Variants in TMEM135 observed in about 807,000 individuals in gnomAD.
TMEM135 encodes transmembrane protein 135.
A neutral mutation model predicts 60.3 loss-of-function variants in TMEM135; 30 were observed. That is an observed-to-expected ratio of 0.50 (90% CI 0.37 to 0.68). TMEM135 has a LOEUF of 0.68. Ranked by LOEUF, TMEM135 falls within the 30% of genes least tolerant of loss-of-function variation. The pLI, the probability that TMEM135 is intolerant of heterozygous loss-of-function variation, is 0.00. For synonymous variants in TMEM135, 190 were observed against 186.7 expected (o/e 1.02, Z -0.14); for missense variants, 468 against 548.8 (o/e 0.85, Z 1.47).
intron 5 of TMEM135, among the ~76,000 whole-genome samples, chr11:87,219,363 G>T (rs1405729473): frequency 6.6e-6 from 1 of 152,118 alleles, no homozygotes; most frequent in Non-Finnish European, 1.5e-5. Flanking sequence ...GTGCTGTCAG[G>T]GTTGGTTTCT....
At chr11:87,167,607 C>T (rs577529912) in intron 5 of TMEM135, among the ~76,000 whole-genome samples, 4 of 152,108 alleles carry the variant, frequency 2.6e-5, no homozygotes, top group South Asian at 2.1e-4. Context: ...TGATGGAGTA[C>T]GTTTATTGAT....
intron 5 of TMEM135, among the ~76,000 whole-genome samples, chr11:87,217,746 T>C (rs1940533523): frequency 6.6e-6 from 1 of 151,704 alleles, no homozygotes; most frequent in Admixed American, 6.6e-5. Flanking sequence ...ATCGTGCCAT[T>C]GCACTCCAGC....
intron 3 of TMEM135, among the ~76,000 whole-genome samples, chr11:87,089,256 G>T (rs890944836): frequency 2.0e-5 from 3 of 152,164 alleles, no homozygotes; most frequent in Non-Finnish European, 4.4e-5. Flanking sequence ...ATTTGTCAGC[G>T]GGGTACGGTA....
chr11:87,149,032 TTGTGTGTGTGTGTGTG>T (rs553840798), intron 4 of TMEM135, among the ~76,000 whole-genome samples: 1 of 143,598 alleles, frequency 7.0e-6, no homozygotes, highest in Non-Finnish European at 1.5e-5. Context: ...CCCCATACCT[TTGTGTGTGTGTGTGTG>T]TGTGTGTGTG....
intron 6 of TMEM135, among the ~76,000 whole-genome samples, chr11:87,239,407 T>C (rs1018964826): frequency 1.3e-5 from 2 of 152,082 alleles, no homozygotes; most frequent in African/African-American, 4.8e-5. Flanking sequence ...TTTGTCTGTA[T>C]GCTAGCTTGT....
chr11:87,249,283 G>T (rs1053638454), intron 6 of TMEM135, among the ~76,000 whole-genome samples: 4 of 152,068 alleles, frequency 2.6e-5, no homozygotes, highest in Admixed American at 1.3e-4. Flanking sequence ...CCAGGTTTTT[G>T]AGGGTTTTTA....
chr11:87,287,623 G>T (rs1193405476), intron 6 of TMEM135, among the ~76,000 whole-genome samples: 1 of 152,196 alleles, frequency 6.6e-6, no homozygotes, highest in East Asian at 1.9e-4. Context: ...ATTGCAGTGA[G>T]CTGAGATCAC....
chr11:87,103,351 A>G (rs1857506974), intron 4 of TMEM135, among the ~76,000 whole-genome samples: 1 of 152,050 alleles, frequency 6.6e-6, no homozygotes, highest in Non-Finnish European at 1.5e-5. Flanking sequence ...ACACTTTGTT[A>G]TCTTTTGACT....
intron 5 of TMEM135, among the ~76,000 whole-genome samples, chr11:87,181,199 A>AGAT (rs1335185558): frequency 2.6e-5 from 4 of 152,206 alleles, no homozygotes; most frequent in Non-Finnish European, 5.9e-5. Context: ...AAAATGTTCT[A>AGAT]GATGAGTTCA....
At chr11:87,230,752 C>G (rs1940872794) in intron 5 of TMEM135, among the ~76,000 whole-genome samples, 1 of 152,042 alleles carries the variant, frequency 6.6e-6, no homozygotes, top group African/African-American at 2.4e-5. Context: ...TGAGAATGAT[C>G]TATATCTGTC....
At chr11:87,089,275 C>T (rs1005863930) in intron 3 of TMEM135, among the ~76,000 whole-genome samples, 1 of 152,180 alleles carries the variant, frequency 6.6e-6, no homozygotes, top group Admixed American at 6.5e-5. Flanking sequence ...TAGCACATGC[C>T]TGTAATCCCA....
intron 6 of TMEM135, among the ~76,000 whole-genome samples, chr11:87,280,146 A>C (rs969142678): frequency 2.6e-5 from 4 of 152,274 alleles, no homozygotes; most frequent in Admixed American, 6.5e-5. Context: ...AATAAAGAAC[A>C]AAGTATATGT....
chr11:87,264,319 T>TG (rs1941710191), intron 6 of TMEM135, among the ~76,000 whole-genome samples: 1 of 151,308 alleles, frequency 6.6e-6, no homozygotes, highest in Admixed American at 6.6e-5. Flanking sequence ...TTTCTTTTTT[T>TG]TTGTTGTTTG....
Position 87,327,979 on chromosome 11 carries a change from G to A in TMEM135, c.*6646G>A, listed in dbSNP as rs1412315294. On this transcript the variant is annotated 3_prime_UTR_variant, in exon 15 of 15. Coordinates refer to ENST00000305494, the MANE Select transcript of TMEM135 (RefSeq NM_022918.4). ...GGCAGATCTTCTCTGCCTAGTCCACGCTAACTCACATGCCAATCTCCTCTG... is the reference window on the plus strand; with the variant it reads ...GGCAGATCTTCTCTGCCTAGTCCACACTAACTCACATGCCAATCTCCTCTG... 9 of 453,782 alleles carry A rather than the reference G, an allele frequency of 2.0e-5. No individual in the cohort carries two copies. The highest frequency in any genetic ancestry group is 1.0e-4 in the African/African-American group (5 of 49,920). The allele number at this position is 453,782 out of a possible 1,614,324, so 28.1% of individuals were successfully genotyped here. A position where few individuals can be genotyped will look rare whatever the true frequency, so the allele number is the denominator to read the frequency against.
intron 6 of TMEM135, among the ~76,000 whole-genome samples, chr11:87,289,899 A>G (rs1435213485): frequency 6.6e-6 from 1 of 152,098 alleles, no homozygotes; most frequent in Non-Finnish European, 1.5e-5. Flanking sequence ...TTTTCTGTTC[A>G]TGGCTTATTT....
At chr11:87,292,682 G>C (rs1054523619) in intron 6 of TMEM135, among the ~76,000 whole-genome samples, 15 of 152,102 alleles carry the variant, frequency 9.9e-5, no homozygotes, top group Admixed American at 2.0e-4. Flanking sequence ...TTACGTTTTT[G>C]TTCTTTGGAC....
chr11:87,176,315 C>A (rs1591079419), intron 5 of TMEM135, among the ~76,000 whole-genome samples: 1 of 152,134 alleles, frequency 6.6e-6, no homozygotes, highest in African/African-American at 2.4e-5. Context: ...GCCGGCTCCC[C>A]TTTGCCTTCT....
chr11:87,047,479 C>A lies in TMEM135; in HGVS notation c.141+9293C>A, dbSNP rs1209856107. Among the ~76,000 whole-genome samples, 9 of 151,246 alleles carry A rather than the reference C, an allele frequency of 6.0e-5. No individual in the cohort carries two copies. In the East Asian group the frequency reaches 1.8e-3, roughly 30 times the overall value. On this transcript the variant is annotated intron_variant, in intron 1 of 14. Transcript: ENST00000305494. ...TGCGCGCACCGTGCGCGAGCCGAAG[C>A]AGGGCGAGGCACTGCCTCACCTGGG...
Position 87,325,663 on chromosome 11 carries a change from A to G in TMEM135, c.*4330A>G, listed in dbSNP as rs1425541567. ...AGTGAGAGGCTCTGGAGTGATCATA[A>G]CGGTGATAACAATGGAGTAAACATT... On this transcript the variant is annotated 3_prime_UTR_variant, in exon 15 of 15. Transcript: ENST00000305494. The G allele has an allele frequency of 2.2e-6, 1 of 453,808 alleles. No homozygotes were observed. Among genetic ancestry groups the G allele is most frequent in the Non-Finnish European group, 4.4e-6 (1 of 226,740 alleles). The allele number at this position is 453,808 out of a possible 1,614,324, so 28.1% of individuals were successfully genotyped here.
Sources: gnomAD v4.1 joint callset for allele counts (sites outside exome capture counted in the v4.1 genomes callset) on GRCh38, gnomAD v4.1.1 for gene constraint, MANE v1.5 for transcripts, NCBI Gene and HGNC (gene_info 2026-07-23, HGNC 2026-07-21) for gene names.